POU2F1: variants seen among roughly 807,000 people sequenced by gnomAD.
POU2F1 encodes POU class 2 homeobox 1, also known as POU domain, class 2, transcription factor 1.
Under a neutral mutation model 84.9 loss-of-function variants are expected in POU2F1, and 16 were observed. That is an observed-to-expected ratio of 0.19 (90% confidence interval 0.13 to 0.29). POU2F1 has a LOEUF of 0.29. Ranked by LOEUF, POU2F1 falls within the 10% of genes least tolerant of loss-of-function variation. POU2F1 has a pLI of 1.00. For synonymous variants in POU2F1, 368 were observed against 368.3 expected, an observed-to-expected ratio of 1.00 and a Z score of 0.01; for missense variants, 738 against 942.6, an observed-to-expected ratio of 0.78 and a Z score of 2.84.
Position 167,220,939 on chromosome 1 carries a change from C to CGCG in POU2F1, c.48_50dup (p.Ala20dup), listed in dbSNP as rs1308574421. 4.6e-6 allele frequency: 7 copies of CGCG among 1,535,332 alleles called. No individual in the cohort carries two copies. The highest frequency in any genetic ancestry group is 6.1e-6 in the Non-Finnish European group (7 of 1,146,754). ...CAGCGAGTCAAGATGAGAGTTCAGC[C>CGCG]GCGGCGGCAGCAGCAGCAGGTAATC... On this transcript the variant is annotated inframe_insertion, in exon 1 of 16. Transcript: ENST00000367866.
At chr1:167,242,700 A>G (rs1463901880) in intron 1 of POU2F1, among the ~76,000 whole-genome samples, 1 of 152,190 alleles carries the variant, frequency 6.6e-6, no homozygotes, top group Non-Finnish European at 1.5e-5. Context: ...AACTTTCCAT[A>G]TTGTGAGATG....
chr1:167,396,675 C>A, intron 10 of POU2F1: 2 of 407,306 alleles, frequency 4.9e-6, no homozygotes, highest in South Asian at 3.4e-5. Context: ...TGTATTTGAG[C>A]CAGGATTAGG....
intron 1 of POU2F1, among the ~76,000 whole-genome samples, chr1:167,225,260 G>A (rs1017809233): frequency 1.3e-5 from 2 of 152,076 alleles, no homozygotes; most frequent in Non-Finnish European, 2.9e-5. Context: ...AACCATTACC[G>A]TAAAAGCAAT....
intron 5 of POU2F1, among the ~76,000 whole-genome samples, chr1:167,373,695 G>A (rs1038608856): frequency 1.3e-5 from 2 of 152,210 alleles, no homozygotes; most frequent in African/African-American, 4.8e-5. Context: ...ATGCTAATGG[G>A]AAGCAGCTGG....
At chr1:167,411,405 G>GTT (rs535290005) in intron 13 of POU2F1, among the ~76,000 whole-genome samples, 2,794 of 144,732 alleles carry the variant, frequency 0.019, 30 homozygotes, top group South Asian at 0.028. Context: ...ATTGTATGTT[G>GTT]TTTTTTTTTT....
chr1:167,295,757 G>A (rs775121518), intron 1 of POU2F1, among the ~76,000 whole-genome samples: 9 of 152,134 alleles, frequency 5.9e-5, no homozygotes, highest in Non-Finnish European at 1.2e-4. Context: ...TGGTTGCTTG[G>A]TGTTATCATA....
chr1:167,324,262 A>G (rs936658822), intron 1 of POU2F1, among the ~76,000 whole-genome samples: 5 of 139,358 alleles, frequency 3.6e-5, no homozygotes, highest in African/African-American at 1.3e-4. Flanking sequence ...TCTATGAGAC[A>G]TGAAGTCAAT....
chr1:167,343,911 TG>T (rs1367729478), intron 2 of POU2F1, among the ~76,000 whole-genome samples: 1 of 150,972 alleles, frequency 6.6e-6, no homozygotes, highest in African/African-American at 2.4e-5. Flanking sequence ...TGAGGAGAGG[TG>T]TAAGAGTCTT....
chr1:167,416,913 T>A lies in POU2F1; in HGVS notation c.*1103T>A, dbSNP rs1238831155. 1 of 152,226 alleles carries A rather than the reference T, an allele frequency of 6.6e-6. No individual in the cohort carries two copies. Among genetic ancestry groups the A allele is most frequent in the Non-Finnish European group, 1.5e-5 (1 of 68,042 alleles). 9.4% of individuals were successfully genotyped at this position (152,226 alleles called of 1,614,324 possible). On this transcript the variant is annotated 3_prime_UTR_variant, in exon 16 of 16. Coordinates refer to ENST00000367866, the MANE Select transcript of POU2F1 (RefSeq NM_002697.4). ...TTGGTGGTTCTCCTGATTTCTTATC[T>A]CCTGAAAAATGCTCCTGCTGTTGGT...
chr1:167,245,602 G>C (rs368650303), intron 1 of POU2F1, among the ~76,000 whole-genome samples: 1 of 151,904 alleles, frequency 6.6e-6, no homozygotes, highest in Non-Finnish European at 1.5e-5. Flanking sequence ...TAGTAGAGAC[G>C]GGGTTTCTCC....
intron 7 of POU2F1, among the ~76,000 whole-genome samples, chr1:167,381,626 T>C (rs1647558063): frequency 6.8e-6 from 1 of 146,828 alleles, no homozygotes; most frequent in Non-Finnish European, 1.5e-5. Context: ...TTTTTTTTTT[T>C]TTGAGACAGA....
rs1242790147 is a variant in POU2F1 at position 167,250,267 on chromosome 1, GT to G, written c.61+29311del. ...AATTTTGATTGTTAGAATTGTTTAGGTTGTTAGAATTCTGGTTGTTAGAATT... is the reference window on the plus strand; with the variant it reads ...AATTTTGATTGTTAGAATTGTTTAGGTGTTAGAATTCTGGTTGTTAGAATT... On this transcript the variant is annotated intron_variant, in intron 1 of 15. Transcript: ENST00000367866. Among the ~76,000 whole-genome samples the G allele has an allele frequency of 4.6e-5, 7 of 152,264 alleles. No homozygotes were observed. In the South Asian group the frequency reaches 1.2e-3, roughly 27 times the overall value.
chr1:167,321,643 G>C (rs1656318812), intron 1 of POU2F1, among the ~76,000 whole-genome samples: 1 of 152,128 alleles, frequency 6.6e-6, no homozygotes, highest in Non-Finnish European at 1.5e-5. Context: ...AGCAGCCATT[G>C]TTCTATCCAA....
chr1:167,261,996 T>G (rs1390365276), intron 1 of POU2F1, among the ~76,000 whole-genome samples: 1 of 152,210 alleles, frequency 6.6e-6, no homozygotes, highest in Non-Finnish European at 1.5e-5. Context: ...TGATTATGTT[T>G]GATAACACTT....
intron 9 of POU2F1, among the ~76,000 whole-genome samples, 191 bp downstream of exon 9, chr1:167,389,952 TACA>T (rs1648276185): frequency 6.6e-6 from 1 of 152,194 alleles, no homozygotes; most frequent in Admixed American, 6.5e-5. Flanking sequence ...TCCTAAACAA[TACA>T]ACAATTTACA....
chr1:167,292,782 C>T (rs907142076), intron 1 of POU2F1, among the ~76,000 whole-genome samples: 3 of 152,010 alleles, frequency 2.0e-5, no homozygotes, highest in African/African-American at 7.2e-5. Flanking sequence ...CTGAATCCAG[C>T]AGGACATAAA....
At chr1:167,355,953 A>G (rs1191473977) in intron 2 of POU2F1, among the ~76,000 whole-genome samples, 1 of 151,754 alleles carries the variant, frequency 6.6e-6, no homozygotes, top group Non-Finnish European at 1.5e-5. Context: ...TTTTATTATT[A>G]TTATTATTTT....
At chr1:167,244,574 G>A (rs1019935214) in intron 1 of POU2F1, among the ~76,000 whole-genome samples, 1 of 152,130 alleles carries the variant, frequency 6.6e-6, no homozygotes, top group African/African-American at 2.4e-5. Flanking sequence ...CCCTTTTTCA[G>A]TATTCTGTTT....
In POU2F1 at chr1:167,250,910, T is replaced by A. The variant is rs80215741; in HGVS notation, c.61+29952T>A. 4.1e-3 allele frequency among the ~76,000 whole-genome samples: 621 copies of A among 152,340 alleles called. 4 individuals are homozygous for A. Among genetic ancestry groups the A allele is most frequent in the African/African-American group, 0.014 (600 of 41,582 alleles). On this transcript the variant is annotated intron_variant, in intron 1 of 15. Transcript: ENST00000367866. ...GTTTAGGAGCATAAATGAACACATATACACAGACTTTATTTTGCTGGAATT... is the reference window on the plus strand; with the variant it reads ...GTTTAGGAGCATAAATGAACACATAAACACAGACTTTATTTTGCTGGAATT...
Sources: allele counts gnomAD v4.1 joint callset (sites outside exome capture counted in the v4.1 genomes callset), GRCh38; gene constraint gnomAD v4.1.1; transcripts MANE v1.5; gene names NCBI Gene and HGNC (gene_info 2026-07-23, HGNC 2026-07-21).